MTA3: variants seen among roughly 807,000 people sequenced by gnomAD.
MTA3 encodes metastasis associated 1 family member 3.
A neutral mutation model predicts 83.5 loss-of-function variants in MTA3; 34 were observed. The ratio of observed to expected loss-of-function variants is 0.41; its 90% confidence interval spans 0.31 to 0.54. The LOEUF (loss-of-function observed/expected upper bound fraction) is 0.54, where lower values mean the gene tolerates loss of function less well. Among genes scored for constraint, MTA3 ranks in the 20% least tolerant of loss-of-function variants. MTA3 has a pLI of 0.33. For synonymous variants in MTA3, 303 were observed against 252.7 expected, an observed-to-expected ratio of 1.20 and a Z score of -1.89; for missense variants, 761 against 726.4, an observed-to-expected ratio of 1.05 and a Z score of -0.55.
intron 4 of MTA3, among the ~76,000 whole-genome samples, chr2:42,627,698 G>C (rs1686246781): frequency 6.6e-6 from 1 of 150,872 alleles, no homozygotes; most frequent in Non-Finnish European, 1.5e-5. Context: ...CAAGTAGCTG[G>C]GAGTATGTGC....
intron 16 of MTA3, among the ~76,000 whole-genome samples, chr2:42,729,413 T>A (rs115113904): frequency 0.04 from 6,022 of 152,166 alleles, 156 homozygotes; most frequent in Non-Finnish European, 0.058. Flanking sequence ...GAGTTTGAGG[T>A]CTTAGATTGA....
At chr2:42,508,772 ATATAT>A (rs1050986160) in intron 2 of MTA3, among the ~76,000 whole-genome samples, 3 of 146,834 alleles carry the variant, frequency 2.0e-5, no homozygotes, top group African/African-American at 7.4e-5. Flanking sequence ...GTATTATATA[ATATAT>A]TTAATATATC....
intron 11 of MTA3, among the ~76,000 whole-genome samples, chr2:42,700,548 A>G (rs888023519): frequency 2.6e-5 from 4 of 152,128 alleles, no homozygotes; most frequent in Non-Finnish European, 5.9e-5. Flanking sequence ...AGGCAGCTCA[A>G]CTGTACATTT....
chr2:42,578,862 T>C (rs1263543488), intron 2 of MTA3, among the ~76,000 whole-genome samples: 1 of 152,228 alleles, frequency 6.6e-6, no homozygotes, highest in African/African-American at 2.4e-5. Context: ...ATTAAAGCAG[T>C]CTAATCAGTT....
At chr2:42,618,738 T>C (rs1466239657) in intron 4 of MTA3, among the ~76,000 whole-genome samples, 2 of 152,050 alleles carry the variant, frequency 1.3e-5, no homozygotes, top group Non-Finnish European at 2.9e-5. Flanking sequence ...CTCTTGAGTA[T>C]CTGGGACTAC....
chr2:42,742,246 C>T (rs760188381), intron 16 of MTA3, among the ~76,000 whole-genome samples: 2 of 151,542 alleles, frequency 1.3e-5, no homozygotes, highest in Non-Finnish European at 2.9e-5. Flanking sequence ...TCAAGTAATT[C>T]TCCTGCCTTA....
chr2:42,557,038 C>T (rs972198317), intron 2 of MTA3, among the ~76,000 whole-genome samples: 2 of 152,126 alleles, frequency 1.3e-5, no homozygotes, highest in Non-Finnish European at 2.9e-5. Flanking sequence ...CTCCACCCTT[C>T]AAGAACACAG....
intron 3 of MTA3, among the ~76,000 whole-genome samples, chr2:42,594,667 C>CATATATAAATATACATATAT (rs1350095035): frequency 2.4e-5 from 3 of 123,838 alleles, no homozygotes; most frequent in Middle Eastern, 4.2e-3. Flanking sequence ...TATATATACA[C>CATATATAAATATACATATAT]ACATATATAA....
intron 2 of MTA3, among the ~76,000 whole-genome samples, chr2:42,563,066 C>G (rs1677742885): frequency 6.6e-6 from 1 of 152,092 alleles, no homozygotes; most frequent in Non-Finnish European, 1.5e-5. Flanking sequence ...TTATCATAAC[C>G]CACTGCCTCT....
Position 42,630,297 on chromosome 2 carries a change from C to G in MTA3, c.318-9876C>G, listed in dbSNP as rs908591417. Among the ~76,000 whole-genome samples the G allele has an allele frequency of 6.6e-5, 10 of 152,136 alleles. 1 individual carries two copies. Among genetic ancestry groups the G allele is most frequent in the Non-Finnish European group, 1.5e-4 (10 of 68,026 alleles). ...TACATTTCTGGCCATAACCTGCATGCAATTCTTGTCAACCTTGTGGGGACA... is the reference window on the plus strand; with the variant it reads ...TACATTTCTGGCCATAACCTGCATGGAATTCTTGTCAACCTTGTGGGGACA... On this transcript the variant is annotated intron_variant, in intron 4 of 16. Transcript: ENST00000405094.
intron 2 of MTA3, among the ~76,000 whole-genome samples, chr2:42,533,962 T>G (rs1458550580): frequency 2.0e-5 from 3 of 152,172 alleles, no homozygotes; most frequent in Non-Finnish European, 2.9e-5. Context: ...TGCATCTCGT[T>G]CACATTATTG....
chr2:42,628,383 A>G (rs1279874360), intron 4 of MTA3, among the ~76,000 whole-genome samples: 1 of 151,714 alleles, frequency 6.6e-6, no homozygotes, highest in African/African-American at 2.4e-5. Context: ...GGCGCCCACC[A>G]GCATGCTTGA....
intron 14 of MTA3, among the ~76,000 whole-genome samples, chr2:42,711,775 AGAGAGAGAGTGTGTGT>A (rs919073730): frequency 7.9e-5 from 11 of 139,410 alleles, no homozygotes; most frequent in African/African-American, 1.1e-4. Context: ...TGTATAGGAG[AGAGAGAGAGTGTGTGT>A]GTGTGTGTGT....
chr2:42,579,400 T>C (rs1330403458), intron 3 of MTA3, among the ~76,000 whole-genome samples, 200 bp downstream of exon 3: 1 of 147,024 alleles, frequency 6.8e-6, no homozygotes, highest in Non-Finnish European at 1.5e-5. Context: ...TATATGTGTG[T>C]ATGTAATTTT....
intron 2 of MTA3, among the ~76,000 whole-genome samples, chr2:42,503,690 C>G (rs1674499441): frequency 6.6e-6 from 1 of 152,104 alleles, no homozygotes; most frequent in Non-Finnish European, 1.5e-5. Flanking sequence ...GCCCAGCAGG[C>G]CCCTAAGAGG....
intron 1 of MTA3, among the ~76,000 whole-genome samples, chr2:42,570,187 C>T (rs1286655819): frequency 2.0e-5 from 3 of 151,910 alleles, no homozygotes; most frequent in African/African-American, 2.4e-5. Context: ...AAAGAAATGA[C>T]GTATTGGGAC....
chr2:42,724,277 A>AACACACACACACACACACACACACACAC (rs34379999), intron 16 of MTA3, among the ~76,000 whole-genome samples: 18 of 73,176 alleles, frequency 2.5e-4, no homozygotes, highest in Admixed American at 6.8e-4. Flanking sequence ...AGTCCTGAAA[A>AACACACACACACACACACACACACACAC]ACACACACAC....
chr2:42,626,304 A>T (rs1232156054), intron 4 of MTA3, among the ~76,000 whole-genome samples: 14 of 135,934 alleles, frequency 1.0e-4, no homozygotes, highest in African/African-American at 1.7e-4. Context: ...CCATTTTTTT[A>T]AAATTTTTTT....
At chr2:42,541,505 T>G (rs918803094) in intron 2 of MTA3, among the ~76,000 whole-genome samples, 2 of 152,232 alleles carry the variant, frequency 1.3e-5, no homozygotes, top group Non-Finnish European at 2.9e-5. Flanking sequence ...CATCACTTTA[T>G]TATAAAACAG....
Sources: gnomAD v4.1 joint callset for allele counts (sites outside exome capture counted in the v4.1 genomes callset) on GRCh38, gnomAD v4.1.1 for gene constraint, MANE v1.5 for transcripts, NCBI Gene and HGNC (gene_info 2026-07-23, HGNC 2026-07-21) for gene names.